The following PCSK1 variants were observed in gnomAD, a reference collection of about 807,000 sequenced individuals.
PCSK1 encodes proprotein convertase subtilisin/kexin type 1.
A neutral mutation model predicts 90.6 loss-of-function variants in PCSK1; 56 were observed. The ratio of observed to expected loss-of-function variants is 0.62; its 90% CI spans 0.50 to 0.77. The LOEUF (loss-of-function observed/expected upper bound fraction) is 0.77. PCSK1 is among the 30% of genes least tolerant of loss of function. PCSK1 has a pLI of 0.00. For synonymous variants in PCSK1, 348 were observed against 342.4 expected (o/e 1.02, Z -0.18); for missense variants, 801 against 932.6 (o/e 0.86, Z 1.84).
In PCSK1 at chr5:96,392,874, A is replaced by C. The variant is rs1174848446; in HGVS notation, c.*127T>G. 1 of 971,500 alleles carries C rather than the reference A, an allele frequency of 1.0e-6. No homozygotes were observed. Among genetic ancestry groups the C allele is most frequent in the African/African-American group, 1.6e-5 (1 of 61,926 alleles). The allele number at this position is 971,500 out of a possible 1,614,324, so 60.2% of individuals were successfully genotyped here. A position where few individuals can be genotyped will look rare whatever the true frequency, so the allele number is the denominator to read the frequency against. ...TCACATGTACAGTTTAGGGAGAAAA[A>C]GAAAAGGTGCCACAAAGGATATTAT... On this transcript the variant is annotated 3_prime_UTR_variant, in exon 14 of 14. Transcript: ENST00000311106.
Position 96,397,321 on chromosome 5 carries a change from C to G in PCSK1, c.1722+15G>C. On this transcript the variant is annotated intron_variant, in intron 12 of 13. Coordinates refer to ENST00000311106, the MANE Select transcript of PCSK1 (RefSeq NM_000439.5). ...AAGTAAGCTTGTGTTTTTTCATCCT[C>G]TCATTCACACTTACCATGTCTGTAA... The G allele has an allele frequency of 1.2e-6, 2 of 1,610,922 alleles. No individual in the cohort carries two copies. The highest frequency in any genetic ancestry group is 8.5e-7 in the Non-Finnish European group (1 of 1,177,364).
intron 9 of PCSK1, among the ~76,000 whole-genome samples, chr5:96,407,682 T>G (rs1487136039): frequency 6.6e-6 from 1 of 152,216 alleles, no homozygotes. Context: ...TTAAGGAAAT[T>G]TGTGTTTATA....
chr5:96,432,963 G>A lies in PCSK1; in HGVS notation c.80C>T (p.Ala27Val), dbSNP rs527304866. Reference sequence around the variant, plus strand: ...CCATTCATTGACAAATTGCCTTTTCGCTTTTGCACTGTTCAGTGCACACCA... The same window carrying A: ...CCATTCATTGACAAATTGCCTTTTCACTTTTGCACTGTTCAGTGCACACCA... The part of the protein sequence containing the change: ...CAWCALNSAK[A>V]KRQFVNEWAA... The change falls in exon 1 of 14, where the codon GCG (alanine) becomes GTG (valine). Residue 27 changes from alanine to valine, a missense_variant. Coordinates refer to ENST00000311106, the MANE Select transcript of PCSK1 (RefSeq NM_000439.5). The A allele has an allele frequency of 5.5e-5, 89 of 1,614,210 alleles. No homozygotes were observed. Among genetic ancestry groups the A allele is most frequent in the Non-Finnish European group, 6.9e-5 (82 of 1,180,026 alleles).
intron 13 of PCSK1, 40 bp downstream of exon 13, chr5:96,394,824 A>G: frequency 6.3e-7 from 1 of 1,596,614 alleles, no homozygotes; most frequent in East Asian, 2.2e-5. Flanking sequence ...TGTCTACCCC[A>G]GTTCAAAAGA....
chr5:96,432,134 A>T (rs931750834), intron 1 of PCSK1: 6 of 1,535,662 alleles, frequency 3.9e-6, no homozygotes, highest in Non-Finnish European at 5.2e-6. Context: ...TCAGTTCGGC[A>T]TCTCGACCCT....
intron 3 of PCSK1, among the ~76,000 whole-genome samples, chr5:96,425,007 GAAAAGAAAGAAAGAAA>G (rs1434317949): frequency 1.5e-5 from 1 of 66,874 alleles, no homozygotes. Flanking sequence ...GAGAAAGAAA[GAAAAGAAAGAAAGAAA>G]GAAAGAAAGA....
At chr5:96,420,510 A>G (rs1761090513) in intron 5 of PCSK1, among the ~76,000 whole-genome samples, 1 of 152,174 alleles carries the variant, frequency 6.6e-6, no homozygotes, top group Admixed American at 6.5e-5. Context: ...AGTCACCCTC[A>G]AAGAAATAAA....
rs1396563636 is a variant in PCSK1, at chr5:96,394,951, C to G, written c.1797G>C (p.Glu599Asp). The G allele has an allele frequency of 1.2e-6, 2 of 1,614,110 alleles. No homozygotes were observed. The highest frequency in any genetic ancestry group is 2.2e-5 in the South Asian group (2 of 91,088). The part of the protein sequence containing the change: ...LILHGTSSQP[E>D]HMKQPRVYTS... ...TGTACACACGAGGCTGCTTCATATG[C>G]TCTGGCTGAGAAGAGGTCCCGTGCA... The change falls in exon 13 of 14, where the codon GAG (glutamate) becomes GAC (aspartate). Residue 599 changes from glutamate (E) to aspartate (D), a missense_variant. Coordinates refer to ENST00000311106, the MANE Select transcript of PCSK1 (RefSeq NM_000439.5).
intron 1 of PCSK1, among the ~76,000 whole-genome samples, chr5:96,431,466 T>A (rs1761494194): frequency 6.6e-6 from 1 of 152,140 alleles, no homozygotes; most frequent in African/African-American, 2.4e-5. Flanking sequence ...CAAATTACAA[T>A]CAGTTGCAAT....
intron 1 of PCSK1, 88 bp from the exon 2 acceptor site, chr5:96,429,405 G>T: frequency 1.4e-6 from 1 of 738,124 alleles, no homozygotes; most frequent in South Asian, 1.6e-5. Flanking sequence ...TTAGAGATAG[G>T]CAACTTTTAT....
rs867024959 is a variant in PCSK1, at chr5:96,406,711, G to A, written c.1196+1512C>T. Among the ~76,000 whole-genome samples, 5 of 152,354 alleles carry A rather than the reference G, an allele frequency of 3.3e-5. No individual in the cohort carries two copies. In the South Asian group the frequency reaches 1.0e-3, roughly 32 times the overall value. Reference sequence around the variant, plus strand: ...TTTTTCCTTTCTGTTATTACGAACTGAGTCTACTGAATATGACATAAGGAC... The same window carrying A: ...TTTTTCCTTTCTGTTATTACGAACTAAGTCTACTGAATATGACATAAGGAC... On this transcript the variant is annotated intron_variant, in intron 9 of 13. Coordinates refer to ENST00000311106, the MANE Select transcript of PCSK1 (RefSeq NM_000439.5).
chr5:96,401,085 T>TAAAA (rs1275883214), intron 9 of PCSK1, among the ~76,000 whole-genome samples: 1 of 12,208 alleles, frequency 8.2e-5, no homozygotes, highest in African/African-American at 9.6e-4. Context: ...GGACTCCGTC[T>TAAAA]CAAAAAAAAA....
At position 96,398,961 on chromosome 5, in the gene PCSK1, C is replaced by CTTGATAGCA; in HGVS notation, c.1497_1505dup (p.Asn499_Ile501dup). ...CTTCAAATTGTACATGCTCCAGGGA[C>CTTGATAGCA]TTGATAGCATTTTCTTGTCCTTCAC... On this transcript the variant is annotated inframe_insertion, in exon 11 of 14. Transcript: ENST00000311106. 1 of 1,612,806 alleles carries CTTGATAGCA rather than the reference C, an allele frequency of 6.2e-7. No homozygotes were observed. The highest frequency in any genetic ancestry group is 8.5e-7 in the Non-Finnish European group (1 of 1,178,874).
intron 10 of PCSK1, among the ~76,000 whole-genome samples, chr5:96,399,557 T>C (rs998739044): frequency 6.6e-6 from 1 of 152,174 alleles, no homozygotes; most frequent in Non-Finnish European, 1.5e-5. Context: ...AGCAAGGCTA[T>C]TTTGCAAGCA....
intron 12 of PCSK1, among the ~76,000 whole-genome samples, chr5:96,395,779 TTAAAG>T (rs1365295891): frequency 3.6e-4 from 55 of 152,184 alleles, no homozygotes; most frequent in African/African-American, 1.3e-3. Context: ...ACTCCAGAAC[TTAAAG>T]TATAATAAAA....
At position 96,426,579 on chromosome 5, in the gene PCSK1, G is replaced by A. The variant is rs767794469; in HGVS notation, c.286-649C>T. Among the ~76,000 whole-genome samples the A allele has an allele frequency of 4.6e-5, 7 of 152,212 alleles. No homozygotes were observed. In the East Asian group the frequency reaches 5.8e-4, roughly 13 times the overall value. On this transcript the variant is annotated intron_variant, in intron 2 of 13. Coordinates refer to ENST00000311106, the MANE Select transcript of PCSK1 (RefSeq NM_000439.5). ...ATTATGCAAAGAGATCTGACAATAC[G>A]AAAATTACCTGCCCCATATTTACAG...
At chr5:96,419,310 GATAT>G (rs757569748) in intron 5 of PCSK1, among the ~76,000 whole-genome samples, 2 of 142,194 alleles carry the variant, frequency 1.4e-5, no homozygotes, top group African/African-American at 5.2e-5. Flanking sequence ...TATTAAGTGA[GATAT>G]ATATATATAT....
At chr5:96,408,002 A>T (rs1760629346) in intron 9 of PCSK1, among the ~76,000 whole-genome samples, 1 of 152,224 alleles carries the variant, frequency 6.6e-6, no homozygotes, top group African/African-American at 2.4e-5. Flanking sequence ...ATTACAAAAT[A>T]ACGTCTATAT....
At position 96,391,858 on chromosome 5, in the gene PCSK1, G is replaced by T. The variant is rs1430607929; in HGVS notation, c.*1143C>A. On this transcript the variant is annotated 3_prime_UTR_variant, in exon 14 of 14. Coordinates refer to ENST00000311106, the MANE Select transcript of PCSK1 (RefSeq NM_000439.5). The stretch of plus-strand genomic sequence containing the variant: ...GCATACCAAACAAAATCTACCTGAG[G>T]GACAATTAAGGTCCATGGCCTGCCA... 1 of 152,088 alleles carries T rather than the reference G, an allele frequency of 6.6e-6. No individual in the cohort carries two copies. The highest frequency in any genetic ancestry group is 1.5e-5 in the Non-Finnish European group (1 of 68,026). 9.4% of individuals were successfully genotyped at this position (152,088 alleles called of 1,614,324 possible).
Sources: gnomAD v4.1 joint callset for allele counts (sites outside exome capture counted in the v4.1 genomes callset) on GRCh38, gnomAD v4.1.1 for gene constraint, MANE v1.5 for transcripts, NCBI Gene and HGNC (gene_info 2026-07-23, HGNC 2026-07-21) for gene names.